The following ERBB4 variants were observed in gnomAD, a reference collection of about 807,000 sequenced individuals.
ERBB4 encodes erb-b2 receptor tyrosine kinase 4.
In ERBB4, 42 loss-of-function variants were observed where a neutral mutation model predicts 158.0. The ratio of observed to expected loss-of-function variants is 0.27; its 90% confidence interval spans 0.21 to 0.34. ERBB4 has a LOEUF of 0.34. Among genes scored for constraint, ERBB4 ranks in the 10% least tolerant of loss-of-function variants. The pLI is 1.00. For synonymous variants in ERBB4, 583 were observed against 558.7 expected (o/e 1.04, Z -0.61); for missense variants, 1,333 against 1,624.1 (o/e 0.82, Z 3.08).
At chr2:211,672,391 A>C (rs773960493) in intron 14 of ERBB4, among the ~76,000 whole-genome samples, 5 of 152,044 alleles carry the variant, frequency 3.3e-5, no homozygotes. Flanking sequence ...ATTAAGAAAA[A>C]CTCAAATGAT....
At chr2:211,544,160 G>A (rs541571365) in intron 20 of ERBB4, among the ~76,000 whole-genome samples, 2 of 152,068 alleles carry the variant, frequency 1.3e-5, no homozygotes, top group South Asian at 4.1e-4. Flanking sequence ...ACTTTTCATA[G>A]GAGGACAATT....
At chr2:212,206,512 T>TA (rs1015226099) in intron 1 of ERBB4, among the ~76,000 whole-genome samples, 9 of 151,638 alleles carry the variant, frequency 5.9e-5, no homozygotes, top group African/African-American at 2.2e-4. Flanking sequence ...TTTTTAAAGA[T>TA]AAAAAACTAG....
intron 20 of ERBB4, among the ~76,000 whole-genome samples, chr2:211,542,943 T>C (rs1435187949): frequency 6.6e-6 from 1 of 152,008 alleles, no homozygotes; most frequent in East Asian, 1.9e-4. Context: ...AGGTAGTATT[T>C]TTCTGTGAAA....
intron 1 of ERBB4, among the ~76,000 whole-genome samples, chr2:212,388,057 TAGAG>T (rs759157337): frequency 6.6e-6 from 1 of 152,084 alleles, no homozygotes; most frequent in Non-Finnish European, 1.5e-5. Flanking sequence ...AATATGCCGT[TAGAG>T]AGAATATAAT....
At position 211,861,124 on chromosome 2, in the gene ERBB4, T is replaced by TTATATATATATATTTTATATATA. The variant is rs1229268256; in HGVS notation, c.422-72966_422-72965insTATATATAAAATATATATATATA. Among the ~76,000 whole-genome samples the TTATATATATATATTTTATATATA allele has an allele frequency of 1.7e-3, 35 of 20,258 alleles. 3 individuals are homozygous for TTATATATATATATTTTATATATA. The highest frequency in any genetic ancestry group is 5.5e-3 in the African/African-American group (24 of 4,396). The allele number at this position is 20,258 out of a possible 152,430, so 13.3% of individuals were successfully genotyped here. A position where few individuals can be genotyped will look rare whatever the true frequency, so the allele number is the denominator to read the frequency against. ...CATTATATATATTTATATATATATT[T>TTATATATATATATTTTATATATA]TATATATATATATATATATATATAT... On this transcript the variant is annotated intron_variant, in intron 3 of 27. Coordinates refer to ENST00000342788, the MANE Select transcript of ERBB4 (RefSeq NM_005235.3).
At chr2:212,493,229 G>A (rs1420058657) in intron 1 of ERBB4, among the ~76,000 whole-genome samples, 1 of 151,328 alleles carries the variant, frequency 6.6e-6, no homozygotes, top group African/African-American at 2.4e-5. Context: ...GTGTCGCTAT[G>A]TATACACAAC....
rs1413581421 is a variant in ERBB4, at chr2:212,425,673, C to T, written c.82+112776G>A. Among the ~76,000 whole-genome samples, 15 of 151,846 alleles carry T rather than the reference C, an allele frequency of 9.9e-5. No individual in the cohort carries two copies. The East Asian group carries it at 2.9e-3, about 29-fold the overall frequency. ...ACAGGTAACAAATTCATCATTCCTCCATCTCCCTCTTCCCTTCTTGGTTAC... is the reference window on the plus strand; with the variant it reads ...ACAGGTAACAAATTCATCATTCCTCTATCTCCCTCTTCCCTTCTTGGTTAC... On this transcript the variant is annotated intron_variant, in intron 1 of 27. Coordinates refer to ENST00000342788, the MANE Select transcript of ERBB4 (RefSeq NM_005235.3).
chr2:212,336,113 C>A (rs2088430644), intron 1 of ERBB4, among the ~76,000 whole-genome samples: 1 of 151,826 alleles, frequency 6.6e-6, no homozygotes, highest in African/African-American at 2.4e-5. Flanking sequence ...ATTAATGTTC[C>A]ACAGGAAAAA....
At chr2:211,579,858 T>C (rs2068014828) in intron 19 of ERBB4, among the ~76,000 whole-genome samples, 2 of 152,088 alleles carry the variant, frequency 1.3e-5, no homozygotes, top group South Asian at 4.1e-4. Flanking sequence ...CTGGGCTTAA[T>C]ACCTAGGTGA....
At chr2:212,522,439 G>A (rs1692222461) in intron 1 of ERBB4, among the ~76,000 whole-genome samples, 1 of 150,098 alleles carries the variant, frequency 6.7e-6, no homozygotes, top group Admixed American at 6.6e-5. Context: ...AAAGCGATAA[G>A]TAAAACGTTG....
intron 1 of ERBB4, among the ~76,000 whole-genome samples, chr2:212,491,106 T>C (rs1016624003): frequency 6.6e-6 from 1 of 151,626 alleles, no homozygotes; most frequent in Non-Finnish European, 1.5e-5. Context: ...TGAGGCTGTC[T>C]CTGTAACTAA....
At chr2:212,532,412 A>C (rs2106346097) in intron 1 of ERBB4, among the ~76,000 whole-genome samples, 1 of 152,360 alleles carries the variant, frequency 6.6e-6, no homozygotes, top group Middle Eastern at 3.4e-3. Context: ...TGTTTTAGAA[A>C]CTAGGGCTAT....
At chr2:211,901,125 G>C (rs1259516399) in intron 3 of ERBB4, among the ~76,000 whole-genome samples, 1 of 152,060 alleles carries the variant, frequency 6.6e-6, no homozygotes, top group Non-Finnish European at 1.5e-5. Flanking sequence ...TGGTGAATGA[G>C]AGCATAGGCT....
chr2:212,369,674 G>T (rs2090016584), intron 1 of ERBB4, among the ~76,000 whole-genome samples: 1 of 151,972 alleles, frequency 6.6e-6, no homozygotes, highest in African/African-American at 2.4e-5. Flanking sequence ...AGTAATAAAT[G>T]ATTTTGTAAA....
intron 1 of ERBB4, among the ~76,000 whole-genome samples, chr2:212,419,441 C>G (rs1402954696): frequency 6.6e-6 from 1 of 151,618 alleles, no homozygotes; most frequent in Non-Finnish European, 1.5e-5. Context: ...TGGAAATAAG[C>G]CAAAACAAAA....
intron 2 of ERBB4, among the ~76,000 whole-genome samples, chr2:212,100,206 A>G (rs953948938): frequency 2.0e-5 from 3 of 152,170 alleles, no homozygotes; most frequent in African/African-American, 4.8e-5. Context: ...TGTTATATCA[A>G]TGGACCTTAT....
intron 1 of ERBB4, among the ~76,000 whole-genome samples, chr2:212,268,291 G>T: frequency 6.6e-6 from 1 of 151,734 alleles, no homozygotes; most frequent in East Asian, 1.9e-4. Context: ...AGATAGAAAT[G>T]ACAGATTTTA....
chr2:211,623,536 A>G (rs890671811), intron 18 of ERBB4, among the ~76,000 whole-genome samples: 5 of 152,160 alleles, frequency 3.3e-5, no homozygotes, highest in African/African-American at 1.2e-4. Context: ...AGAATAAAGG[A>G]TTATGGTATA....
intron 2 of ERBB4, among the ~76,000 whole-genome samples, chr2:212,088,021 T>C (rs988356757): frequency 2.0e-5 from 3 of 152,162 alleles, no homozygotes; most frequent in Admixed American, 6.6e-5. Context: ...TTTGTTGCTA[T>C]TGTTCTTACT....
Sources: gnomAD v4.1 joint callset for allele counts (sites outside exome capture counted in the v4.1 genomes callset) on GRCh38, gnomAD v4.1.1 for gene constraint, MANE v1.5 for transcripts, NCBI Gene and HGNC (gene_info 2026-07-23, HGNC 2026-07-21) for gene names.